Variants in PVRIG observed in about 807,000 individuals in gnomAD.
PVRIG encodes the protein PVR related immunoglobulin domain containing.
Under a neutral mutation model 21.9 loss-of-function variants are expected in PVRIG, and 16 were observed. The observed-to-expected ratio is 0.73, with a 90% CI of 0.50 to 1.11. The LOEUF is 1.11. PVRIG is among the 50% of genes most tolerant of loss of function. The pLI, the probability that PVRIG is intolerant of heterozygous loss-of-function variation, is 0.00. For missense variants in PVRIG, 435 were observed against 445.7 expected (o/e 0.98, Z 0.22); for synonymous variants, 190 against 181.0 (o/e 1.05, Z -0.40).
chr7:100,219,991 C>T (rs1461543334), exon 2 of PVRIG: 4 of 1,596,278 alleles, frequency 2.5e-6, no homozygotes, highest in Non-Finnish European at 3.4e-6. Flanking sequence ...GGACCCTGGT[C>T]CTGCCCTGGG....
chr7:100,220,509 G>A, intron 3 of PVRIG, 38 bp from the exon 3 acceptor site: 1 of 1,611,500 alleles, frequency 6.2e-7, no homozygotes, highest in Non-Finnish European at 8.5e-7. Context: ...AGGGGCTCGG[G>A]AACTGGCCAC....
rs144154892 is a variant in PVRIG, at chr7:100,219,947, C to T, written c.37C>T (p.Pro13Ser). 12 of 1,554,650 alleles carry T rather than the reference C, an allele frequency of 7.7e-6. No individual in the cohort carries two copies. The Admixed American group carries it at 2.1e-4, about 28-fold the overall frequency. ...GGCACAGGTGCCGGCCCTGCAGCCC[C>T]CAGAACCTGGACTGGAGGGGGCCAT... Residue 13 changes from proline to serine, a missense_variant, in exon 2 of 6, where the codon CCA becomes TCA. Physicochemically the swap from Pro to Ser is moderately conservative, Grantham distance 74. Coordinates refer to ENST00000317271, the Ensembl canonical transcript of PVRIG.
At chr7:100,221,237 T>C in exon 6 of PVRIG, 1 of 1,578,386 alleles carries the variant, frequency 6.3e-7, no homozygotes, top group Non-Finnish European at 8.6e-7. Flanking sequence ...GGAAGGACCC[T>C]TAGGAGTTCG....
At chr7:100,221,330 C>T in exon 6 of PVRIG, 1 of 1,194,708 alleles carries the variant, frequency 8.4e-7, no homozygotes, top group Non-Finnish European at 1.1e-6. Flanking sequence ...CTTGGGCCTC[C>T]AATAAGTGTC....
At chr7:100,219,901 A>G (rs1803090846) in exon 2 of PVRIG, 2 of 1,546,984 alleles carry the variant, frequency 1.3e-6, no homozygotes, top group Admixed American at 3.9e-5. Context: ...CAACATGAAG[A>G]CTTCCTGCGA....
exon 6 of PVRIG, chr7:100,220,967 T>C: frequency 1.9e-6 from 3 of 1,592,666 alleles, no homozygotes; most frequent in African/African-American, 1.3e-5. Context: ...TCACGTCCCT[T>C]ATGCCACTAT....
chr7:100,221,201 C>T (rs1386584052), exon 6 of PVRIG: 1 of 1,608,704 alleles, frequency 6.2e-7, no homozygotes, highest in Non-Finnish European at 8.5e-7. Flanking sequence ...CACTCTTTTC[C>T]CTGACCCTCG....
chr7:100,220,583 G>A (rs139292427), exon 4 of PVRIG: 26 of 1,611,896 alleles, frequency 1.6e-5, no homozygotes, highest in African/African-American at 9.4e-5. Flanking sequence ...CCCATTCTGC[G>A]GGCAGACCTG....
intron 1 of PVRIG, chr7:100,219,702 G>C: frequency 1.6e-6 from 1 of 611,028 alleles, no homozygotes; most frequent in Non-Finnish European, 3.0e-6. Context: ...CCCCTCCCCT[G>C]GCCTCCCCAG....
chr7:100,221,261 T>A (rs762912367), exon 6 of PVRIG: 1 of 1,540,674 alleles, frequency 6.5e-7, no homozygotes, highest in Non-Finnish European at 8.7e-7. Flanking sequence ...AGAGAGACCA[T>A]GAGGCCACTG....
exon 4 of PVRIG, chr7:100,220,607 G>A (rs1196948957): frequency 6.2e-7 from 1 of 1,611,874 alleles, no homozygotes; most frequent in Non-Finnish European, 8.5e-7. Flanking sequence ...GGGATCTTGG[G>A]GGTCTCAGGA....
rs554692467 is a variant in PVRIG, at chr7:100,221,213, G to T, written c.943G>T (p.Gly315Trp). The change falls in exon 6 of 6, where the codon GGG (glycine) becomes TGG (tryptophan). Residue 315 changes from glycine to tryptophan, a missense_variant. Physicochemically the swap from Gly to Trp is radical, Grantham distance 184. Coordinates refer to ENST00000317271, the Ensembl canonical transcript of PVRIG. ...CCTCACTCTTTTCCCTGACCCTCGG[G>T]GGCCCAGGGCCATGGAAGGACCCTT... 3 of 1,605,108 alleles carry T rather than the reference G, an allele frequency of 1.9e-6. No homozygotes were observed. In the South Asian group the frequency reaches 3.3e-5, roughly 18 times the overall value.
At chr7:100,219,818 A>T in exon 2 of PVRIG, 1 of 988,022 alleles carries the variant, frequency 1.0e-6, no homozygotes, top group South Asian at 1.5e-5. Context: ...TAAGAAGGGA[A>T]TCAGCCACTT....
chr7:100,220,682 T>C lies in PVRIG; in HGVS notation c.596+9T>C, dbSNP rs1584850348. 3.7e-6 allele frequency: 6 copies of C among 1,610,406 alleles called. No homozygotes were observed. In the East Asian group the frequency reaches 1.3e-4, roughly 36 times the overall value. On this transcript the variant is annotated intron_variant, in intron 4 of 5. Transcript: ENST00000317271. ...CGCCGACATAAGCACCGGTGAGACC[T>C]GGTCCCTGTCCACGTCCCCCTGACA... is the stretch of plus-strand genomic sequence containing the variant.
At chr7:100,220,853 ACAGGGG>A (rs751254777) in intron 5 of PVRIG, 33 bp downstream of exon 4, 213 of 1,605,498 alleles carry the variant, frequency 1.3e-4, no homozygotes, top group African/African-American at 6.4e-4. Context: ...GGATGAGGTG[ACAGGGG>A]CAGGGGCAGG....
At chr7:100,220,783 C>T (rs1290073662) in exon 5 of PVRIG, 2 of 1,605,924 alleles carry the variant, frequency 1.2e-6, no homozygotes, top group African/African-American at 2.7e-5. Context: ...CTCCAGCCGT[C>T]CCGCACCAGC....
At chr7:100,220,387 C>T (rs1803147990) in exon 3 of PVRIG, 1 of 1,585,170 alleles carries the variant, frequency 6.3e-7, no homozygotes, top group South Asian at 1.1e-5. Context: ...GCCAACACCA[C>T]CTTCTGCTGC....
rs1257272656 is a variant in PVRIG, at chr7:100,220,604, T to TG, written c.532dup (p.Val178GlyfsTer20). The TG allele has an allele frequency of 2.5e-6, 4 of 1,611,754 alleles. No homozygotes were observed. Among genetic ancestry groups the TG allele is most frequent in the East Asian group, 2.2e-5 (1 of 44,878 alleles). On this transcript the variant is annotated frameshift_variant, in exon 4 of 6. Transcript: ENST00000317271. LOFTEE classifies it high-confidence loss of function. ...CTGCGGGCAGACCTGGCCGGGATCT[T>TG]GGGGGTCTCAGGAGTCCTCCTCTTT...
chr7:100,221,392 C>T (rs373267948), exon 6 of PVRIG: 22 of 626,392 alleles, frequency 3.5e-5, no homozygotes, highest in Non-Finnish European at 5.4e-5. Context: ...TCTGTGTGTG[C>T]GTGTGTGGGC....
Sources: allele counts gnomAD v4.1 joint callset, GRCh38; gene constraint gnomAD v4.1.1; transcripts MANE v1.5; gene names NCBI Gene and HGNC (gene_info 2026-07-23, HGNC 2026-07-21).